Variants in PTPRD observed in about 807,000 individuals in gnomAD.
PTPRD encodes the protein receptor-type tyrosine-protein phosphatase delta.
Under a neutral mutation model 214.5 loss-of-function variants are expected in PTPRD, and 34 were observed. That is an observed-to-expected ratio of 0.16 (90% CI 0.12 to 0.21). The LOEUF is 0.21. Ranked by LOEUF, PTPRD falls within the 10% of genes least tolerant of loss-of-function variation. The pLI is 1.00. For synonymous variants in PTPRD, 1,128 were observed against 845.7 expected (o/e 1.33, Z -5.79); for missense variants, 2,545 against 2,398.7 (o/e 1.06, Z -1.27).
At chr9:9,908,348 G>A (rs907766292) in intron 5 of PTPRD, among the ~76,000 whole-genome samples, 1 of 151,972 alleles carries the variant, frequency 6.6e-6, no homozygotes, top group Non-Finnish European at 1.5e-5. Context: ...GGAACAGAGG[G>A]CATTTCAACT....
At chr9:10,055,577 T>A (rs554532222) in intron 3 of PTPRD, among the ~76,000 whole-genome samples, 1 of 152,236 alleles carries the variant, frequency 6.6e-6, no homozygotes, top group East Asian at 1.9e-4. Flanking sequence ...TCACTCTTAA[T>A]CACTTCATTA....
At chr9:8,907,722 G>A (rs1223222836) in intron 11 of PTPRD, among the ~76,000 whole-genome samples, 8 of 151,626 alleles carry the variant, frequency 5.3e-5, no homozygotes, top group Non-Finnish European at 1.2e-4. Context: ...AAGAGTCAGT[G>A]ATTCTAAAAA....
intron 14 of PTPRD, among the ~76,000 whole-genome samples, chr9:8,576,728 G>C (rs2092418510): frequency 6.6e-6 from 1 of 151,290 alleles, no homozygotes; most frequent in African/African-American, 2.4e-5. Context: ...ATTCAACAGA[G>C]CCAAAGTAAA....
intron 14 of PTPRD, among the ~76,000 whole-genome samples, chr9:8,534,638 TACAC>T (rs371056231): frequency 2.7e-5 from 4 of 149,856 alleles, no homozygotes; most frequent in Non-Finnish European, 4.5e-5. Flanking sequence ...TATATATATA[TACAC>T]ACACACACAC....
chr9:8,971,176 A>G (rs575527882), intron 11 of PTPRD, among the ~76,000 whole-genome samples: 10 of 151,840 alleles, frequency 6.6e-5, no homozygotes, highest in Non-Finnish European at 1.3e-4. Flanking sequence ...AGTAATTTAT[A>G]TTGAGTCAAA....
chr9:8,985,391 A>G (rs1037598369), intron 11 of PTPRD, among the ~76,000 whole-genome samples: 3 of 152,072 alleles, frequency 2.0e-5, no homozygotes, highest in East Asian at 1.9e-4. Flanking sequence ...TTAATAAATT[A>G]TTGAATAACC....
At chr9:9,752,217 A>G (rs189375510) in intron 6 of PTPRD, among the ~76,000 whole-genome samples, 44 of 152,186 alleles carry the variant, frequency 2.9e-4, no homozygotes, top group South Asian at 6.2e-4. Flanking sequence ...TAAAGTATCT[A>G]TGCCATTTTG....
intron 4 of PTPRD, among the ~76,000 whole-genome samples, chr9:10,028,900 T>C (rs1345176803): frequency 6.6e-6 from 1 of 152,124 alleles, no homozygotes; most frequent in African/African-American, 2.4e-5. Context: ...CTCCAGGGCA[T>C]GTCAGAGGTC....
chr9:8,638,381 C>G (rs1402320633), intron 12 of PTPRD, among the ~76,000 whole-genome samples: 6 of 152,060 alleles, frequency 3.9e-5, no homozygotes, highest in African/African-American at 9.6e-5. Context: ...TTCTTGGAGT[C>G]AAGGAAGCCG....
intron 7 of PTPRD, among the ~76,000 whole-genome samples, chr9:9,704,736 A>T (rs2097567196): frequency 6.6e-6 from 1 of 152,222 alleles, no homozygotes; most frequent in Non-Finnish European, 1.5e-5. Context: ...TAAAGTGTGC[A>T]CATGAAGTGC....
intron 3 of PTPRD, among the ~76,000 whole-genome samples, chr9:10,221,593 C>T (rs1385535261): frequency 6.6e-6 from 1 of 151,934 alleles, no homozygotes; most frequent in African/African-American, 2.4e-5. Flanking sequence ...TTTATGAATA[C>T]ATTAAAAATA....
chr9:9,816,779 G>A (rs569415971), intron 5 of PTPRD, among the ~76,000 whole-genome samples: 37 of 152,046 alleles, frequency 2.4e-4, no homozygotes, highest in South Asian at 1.0e-3. Context: ...CATTCCTTTA[G>A]TAATAGATAG....
intron 2 of PTPRD, among the ~76,000 whole-genome samples, chr9:10,526,152 C>A (rs990969159): frequency 6.6e-6 from 1 of 151,978 alleles, no homozygotes; most frequent in Non-Finnish European, 1.5e-5. Context: ...CTCTGAGGGG[C>A]AACACTGCCA....
chr9:10,325,594 T>A (rs530409616), intron 3 of PTPRD, among the ~76,000 whole-genome samples: 65 of 152,052 alleles, frequency 4.3e-4, no homozygotes, highest in African/African-American at 1.5e-3. Context: ...TTTCATACTT[T>A]AAAAGCTTTA....
At chr9:10,109,724 T>C (rs1318889488) in intron 3 of PTPRD, among the ~76,000 whole-genome samples, 3 of 152,208 alleles carry the variant, frequency 2.0e-5, no homozygotes, top group Non-Finnish European at 4.4e-5. Context: ...AGTATTTCCA[T>C]GGCAGTATTA....
At chr9:8,715,555 C>T (rs1027204258) in intron 12 of PTPRD, among the ~76,000 whole-genome samples, 2 of 152,322 alleles carry the variant, frequency 1.3e-5, no homozygotes, top group African/African-American at 4.8e-5. Flanking sequence ...GATTTGAACT[C>T]AGATCATTTT....
intron 5 of PTPRD, among the ~76,000 whole-genome samples, chr9:9,899,139 A>G (rs2075774057): frequency 6.6e-6 from 1 of 152,112 alleles, no homozygotes; most frequent in African/African-American, 2.4e-5. Context: ...AACTTTTACT[A>G]TAGTATACCC....
intron 36 of PTPRD, among the ~76,000 whole-genome samples, chr9:8,400,052 G>C (rs1038260521): frequency 2.0e-5 from 3 of 152,084 alleles, no homozygotes; most frequent in African/African-American, 7.2e-5. Flanking sequence ...GAATTGAAAA[G>C]CAGAATTTTA....
chr9:8,331,574 A>AAACTTACCATTCTTGAACTGTAACT lies in PTPRD; in HGVS notation c.5534+7_5534+8insAGTTACAGTTCAAGAATGGTAAGTT, dbSNP rs3215098. On this transcript the variant is annotated splice_region_variant and intron_variant, in intron 44 of 45. Transcript: ENST00000381196. ...TTATCACTGCTTTATTCACAAATGGAAACTTACCTGCAATGGACTGAAATG... is the reference window on the plus strand; with the variant it reads ...TTATCACTGCTTTATTCACAAATGGAAACTTACCATTCTTGAACTGTAACTAACTTACCTGCAATGGACTGAAATG... The AAACTTACCATTCTTGAACTGTAACT allele has an allele frequency of 0.045, 72,451 of 1,606,216 alleles. 2,441 individuals are homozygous for AAACTTACCATTCTTGAACTGTAACT. Among genetic ancestry groups the AAACTTACCATTCTTGAACTGTAACT allele is most frequent in the South Asian group, 0.14 (12,705 of 90,616 alleles).
Sources: allele counts gnomAD v4.1 joint callset (sites outside exome capture counted in the v4.1 genomes callset), GRCh38; gene constraint gnomAD v4.1.1; transcripts MANE v1.5; gene names NCBI Gene and HGNC (gene_info 2026-07-23, HGNC 2026-07-21).